The following GALNT9 variants were observed in gnomAD, a reference collection of about 807,000 sequenced individuals.
GALNT9 encodes the protein polypeptide N-acetylgalactosaminyltransferase 9.
Under a neutral mutation model 63.1 loss-of-function variants are expected in GALNT9, and 47 were observed. The ratio of observed to expected loss-of-function variants is 0.75; its 90% CI spans 0.59 to 0.95. The LOEUF is 0.95. GALNT9 is among the 40% of genes least tolerant of loss of function. The pLI, the probability that GALNT9 is intolerant of heterozygous loss-of-function variation, is 0.00. For missense variants in GALNT9, 829 were observed against 874.8 expected (o/e 0.95, Z 0.66); for synonymous variants, 396 against 365.7 (o/e 1.08, Z -0.94).
chr12:132,325,209 G>A (rs1205144576), intron 1 of GALNT9, among the ~76,000 whole-genome samples: 6 of 152,208 alleles, frequency 3.9e-5, no homozygotes, highest in African/African-American at 1.2e-4. Context: ...TTCTACTCAC[G>A]GGTGCGCTGG....
intron 6 of GALNT9, among the ~76,000 whole-genome samples, chr12:132,212,182 C>T (rs1340906872): frequency 2.0e-5 from 3 of 148,314 alleles, no homozygotes; most frequent in Non-Finnish European, 3.0e-5. Context: ...CCACCCGGGT[C>T]TGCAGCCTTC....
chr12:132,203,140 C>T (rs1462832637), intron 7 of GALNT9, among the ~76,000 whole-genome samples: 1 of 152,182 alleles, frequency 6.6e-6, no homozygotes, highest in African/African-American at 2.4e-5. Context: ...TCCGCACTGG[C>T]TGACAGGTGC....
At chr12:132,230,178 C>T (rs1447807923) in intron 6 of GALNT9, among the ~76,000 whole-genome samples, 3 of 152,154 alleles carry the variant, frequency 2.0e-5, no homozygotes, top group Non-Finnish European at 4.4e-5. Context: ...GCACAGCCAC[C>T]TGCCCCAGCT....
chr12:132,325,889 C>A (rs1041091106), intron 1 of GALNT9, among the ~76,000 whole-genome samples: 5 of 152,268 alleles, frequency 3.3e-5, no homozygotes, highest in Non-Finnish European at 5.9e-5. Context: ...GGGCCAGGAC[C>A]GCGCCAGGCA....
intron 5 of GALNT9, among the ~76,000 whole-genome samples, chr12:132,257,378 C>T (rs538712075): frequency 5.4e-5 from 8 of 149,312 alleles, no homozygotes; most frequent in South Asian, 2.1e-4. Flanking sequence ...CGACACTCAC[C>T]GTGGTCTCTG....
At chr12:132,305,953 C>T (rs1221768715) in intron 1 of GALNT9, among the ~76,000 whole-genome samples, 1 of 152,214 alleles carries the variant, frequency 6.6e-6, no homozygotes, top group Non-Finnish European at 1.5e-5. Context: ...AGGACAGTGG[C>T]TCTCACAGTG....
chr12:132,262,230 G>A (rs868970545), intron 3 of GALNT9, among the ~76,000 whole-genome samples: 14 of 152,196 alleles, frequency 9.2e-5, no homozygotes, highest in East Asian at 3.8e-4. Context: ...GGGAGAGGCC[G>A]CATAATGGAG....
At chr12:132,314,746 T>G (rs1378316902) in intron 1 of GALNT9, among the ~76,000 whole-genome samples, 7 of 152,136 alleles carry the variant, frequency 4.6e-5, no homozygotes, top group African/African-American at 1.7e-4. Flanking sequence ...AGTATGGCAG[T>G]CATTCGGTGA....
intron 6 of GALNT9, among the ~76,000 whole-genome samples, chr12:132,244,071 G>A (rs1251658290): frequency 8.0e-5 from 12 of 150,504 alleles, no homozygotes; most frequent in Admixed American, 2.7e-4. Flanking sequence ...TCTCGACACC[G>A]GCAGAGTGAG....
chr12:132,197,714 C>G lies in GALNT9; in HGVS notation c.1665+78G>C, dbSNP rs978008709. The G allele has an allele frequency of 4.4e-5, 50 of 1,124,418 alleles. No homozygotes were observed. In the South Asian group the frequency reaches 4.9e-4, roughly 11 times the overall value. 69.7% of individuals were successfully genotyped at this position (1,124,418 alleles called of 1,614,324 possible). On this transcript the variant is annotated intron_variant, in intron 10 of 10. Coordinates refer to ENST00000328957, the MANE Select transcript of GALNT9 (RefSeq NM_001122636.2). ...CCAGCTCCCACCCAATGGGCTGGCT[C>G]TAGTGGCAGAGGCACCCAGGGGTCC...
At chr12:132,317,236 A>G (rs201621030) in intron 1 of GALNT9, among the ~76,000 whole-genome samples, 202 of 59,668 alleles carry the variant, frequency 3.4e-3, no homozygotes, top group African/African-American at 0.011. Context: ...GACTCCACAG[A>G]GCAGGGCCTG....
chr12:132,297,106 C>T (rs1881101800), intron 1 of GALNT9, among the ~76,000 whole-genome samples: 1 of 151,740 alleles, frequency 6.6e-6, no homozygotes, highest in Non-Finnish European at 1.5e-5. Flanking sequence ...CAACTCACTC[C>T]CAAGATGATC....
chr12:132,276,913 C>T (rs1406075612), intron 2 of GALNT9, among the ~76,000 whole-genome samples: 1 of 152,102 alleles, frequency 6.6e-6, no homozygotes, highest in African/African-American at 2.4e-5. Flanking sequence ...CACATGCACA[C>T]ATGTCCACAC....
chr12:132,304,269 A>T (rs1593116385), intron 1 of GALNT9, among the ~76,000 whole-genome samples: 1 of 65,522 alleles, frequency 1.5e-5, no homozygotes, highest in Non-Finnish European at 2.8e-5. Context: ...ACCCGGGCAC[A>T]CCCTCGCCCG....
At chr12:132,250,652 G>A (rs1182725107) in intron 5 of GALNT9, among the ~76,000 whole-genome samples, 5 of 152,180 alleles carry the variant, frequency 3.3e-5, no homozygotes, top group African/African-American at 9.7e-5. Flanking sequence ...TTAGCCGGGC[G>A]TGGTGGTGTG....
In GALNT9 at chr12:132,327,437, G is replaced by A. The variant is rs906875109; in HGVS notation, c.238+1529C>T. Among the ~76,000 whole-genome samples, 3 of 151,910 alleles carry A rather than the reference G, an allele frequency of 2.0e-5. No individual in the cohort carries two copies. The highest frequency in any genetic ancestry group is 7.3e-5 in the African/African-American group (3 of 41,350). On this transcript the variant is annotated intron_variant, in intron 1 of 10. Transcript: ENST00000328957. This position sits in a 1 kb window ranked among gnomAD's most constrained non-coding sequence, Gnocchi z 4.3. ...GGTGAGGCAGGGAAAACGACTCACAGGGCCGAGCTGCCCTCGTGGTGTTAC... is the reference window on the plus strand; with the variant it reads ...GGTGAGGCAGGGAAAACGACTCACAAGGCCGAGCTGCCCTCGTGGTGTTAC...
intron 6 of GALNT9, among the ~76,000 whole-genome samples, chr12:132,216,494 C>T (rs1396790253): frequency 1.3e-5 from 2 of 152,248 alleles, no homozygotes; most frequent in Admixed American, 6.5e-5. Context: ...GGGTGCTGAG[C>T]GCAGTCTGCA....
intron 1 of GALNT9, among the ~76,000 whole-genome samples, chr12:132,305,815 T>G (rs1252719747): frequency 1.3e-5 from 2 of 151,984 alleles, no homozygotes; most frequent in Admixed American, 6.5e-5. Context: ...GCGGCCCGAG[T>G]GCAGATGTGA....
rs1457480415 is a variant in GALNT9 at position 132,306,144 on chromosome 12, G to A, written c.239-19714C>T. ...AAACCTGCCGGGTCAGAGCCCCCGT[G>A]GGGGGCCTGCAGGGGACCCTTACAC... On this transcript the variant is annotated intron_variant, in intron 1 of 10. Coordinates refer to ENST00000328957, the MANE Select transcript of GALNT9 (RefSeq NM_001122636.2). Among the ~76,000 whole-genome samples the A allele has an allele frequency of 3.9e-5, 6 of 152,356 alleles. 1 individual carries two copies. The highest frequency in any genetic ancestry group is 3.9e-4 in the Admixed American group (6 of 15,314).
Sources: allele counts gnomAD v4.1 joint callset (sites outside exome capture counted in the v4.1 genomes callset), GRCh38; gene constraint gnomAD v4.1.1; non-coding constraint Gnocchi (gnomAD v3.1); transcripts MANE v1.5; gene names NCBI Gene and HGNC (gene_info 2026-07-23, HGNC 2026-07-21).